The following EYS variants were observed in gnomAD, a reference collection of about 807,000 sequenced individuals.
EYS encodes EGF-like photoreceptor maintenance factor.
EYS carries 250 observed loss-of-function variants against 282.1 expected under a neutral mutation model. The observed-to-expected ratio is 0.89, with a 90% confidence interval of 0.80 to 0.98. The LOEUF (loss-of-function observed/expected upper bound fraction) is 0.98, where lower values mean the gene tolerates loss of function less well. EYS is among the 50% of genes least tolerant of loss of function. The probability of loss-of-function intolerance (pLI) is 0.00; values close to 1 mark genes in which losing one functional copy is unlikely to be tolerated. For missense variants in EYS, 4,016 were observed against 3,709.0 expected, an observed-to-expected ratio of 1.08 and a Z score of -2.15; for synonymous variants, 1,355 against 1,282.9, an observed-to-expected ratio of 1.06 and a Z score of -1.20.
chr6:65,333,467 A>G (rs1269618187), intron 11 of EYS, among the ~76,000 whole-genome samples: 6 of 151,662 alleles, frequency 4.0e-5, no homozygotes, highest in Non-Finnish European at 7.4e-5. Context: ...GATATGATCT[A>G]TCTTGGAGAG....
chr6:65,632,029 T>C (rs1766931620), intron 2 of EYS, among the ~76,000 whole-genome samples: 2 of 152,144 alleles, frequency 1.3e-5, no homozygotes, highest in Admixed American at 1.3e-4. Flanking sequence ...GTAAACAATA[T>C]GTCTTAGGTA....
intron 12 of EYS, among the ~76,000 whole-genome samples, chr6:65,206,691 T>C (rs1766043883): frequency 6.6e-6 from 1 of 151,842 alleles, no homozygotes; most frequent in Non-Finnish European, 1.5e-5. Flanking sequence ...CAAGTGGGTT[T>C]TATTCCAGGG....
At chr6:63,971,344 G>A (rs1392080797) in intron 35 of EYS, among the ~76,000 whole-genome samples, 1 of 152,134 alleles carries the variant, frequency 6.6e-6, no homozygotes, top group Non-Finnish European at 1.5e-5. Context: ...GGTAATAGAT[G>A]TTTAATACAT....
At chr6:65,202,481 C>T (rs1765925985) in intron 12 of EYS, among the ~76,000 whole-genome samples, 1 of 152,064 alleles carries the variant, frequency 6.6e-6, no homozygotes, top group Admixed American at 6.6e-5. Flanking sequence ...CAGCTTGACC[C>T]CTAGCGGCTA....
chr6:63,759,935 C>T (rs1036766788), intron 41 of EYS, among the ~76,000 whole-genome samples: 2 of 152,068 alleles, frequency 1.3e-5, no homozygotes, highest in South Asian at 2.1e-4. Flanking sequence ...AAATCAGGGA[C>T]TGGTTGGACC....
chr6:64,943,048 G>C (rs1048691458), intron 15 of EYS, among the ~76,000 whole-genome samples: 1 of 151,958 alleles, frequency 6.6e-6, no homozygotes, highest in Admixed American at 6.6e-5. Context: ...GGATGAAACT[G>C]TTTCACCAAA....
intron 22 of EYS, among the ~76,000 whole-genome samples, chr6:64,690,761 T>G (rs1299477384): frequency 2.0e-5 from 3 of 151,688 alleles, no homozygotes; most frequent in African/African-American, 7.3e-5. Context: ...TTCACACTCA[T>G]AGGCGGGAAT....
chr6:64,680,269 C>A (rs1290603374), intron 22 of EYS, among the ~76,000 whole-genome samples: 2 of 152,218 alleles, frequency 1.3e-5, no homozygotes, highest in African/African-American at 4.8e-5. Context: ...CCAGCATGAG[C>A]TTCCCTGCTG....
chr6:63,973,514 T>C (rs75866362), intron 35 of EYS, among the ~76,000 whole-genome samples: 1 of 152,162 alleles, frequency 6.6e-6, no homozygotes, highest in African/African-American at 2.4e-5. Context: ...GTCTTTATTA[T>C]TAGTGCCGAT....
chr6:65,441,079 ATGACT>A (rs1309543478), intron 5 of EYS, among the ~76,000 whole-genome samples: 1 of 150,708 alleles, frequency 6.6e-6, no homozygotes, highest in African/African-American at 2.4e-5. Context: ...AAACTCATTA[ATGACT>A]TGATTTGTCA....
chr6:64,048,805 A>T (rs1013744769), intron 33 of EYS, among the ~76,000 whole-genome samples: 2 of 151,824 alleles, frequency 1.3e-5, no homozygotes, highest in Middle Eastern at 3.4e-3. Flanking sequence ...GGAACCACAG[A>T]TTTTTTTCCA....
intron 30 of EYS, among the ~76,000 whole-genome samples, chr6:64,259,399 T>C (rs1452120759): frequency 3.3e-5 from 5 of 152,028 alleles, no homozygotes; most frequent in African/African-American, 4.8e-5. Flanking sequence ...AATTGGAAAT[T>C]ATTTCTCTGC....
intron 12 of EYS, among the ~76,000 whole-genome samples, chr6:65,227,322 A>T (rs704525): frequency 0.076 from 11,511 of 152,190 alleles, 878 homozygotes; most frequent in African/African-American, 0.2. Flanking sequence ...GCTGAGAAGT[A>T]ACAGTTAATT....
At chr6:64,784,193 TTTC>T (rs1300110139) in intron 22 of EYS, among the ~76,000 whole-genome samples, 10 of 152,042 alleles carry the variant, frequency 6.6e-5, no homozygotes, top group Non-Finnish European at 1.5e-4. Flanking sequence ...TTATCTTTCT[TTTC>T]TTTTTTGTTT....
At chr6:64,239,698 G>T (rs1440643001) in intron 30 of EYS, among the ~76,000 whole-genome samples, 2 of 151,484 alleles carry the variant, frequency 1.3e-5, no homozygotes, top group South Asian at 2.1e-4. Context: ...CTCCCATTCT[G>T]TTGGTTGCCT....
At chr6:65,543,961 C>A (rs1397888870) in intron 2 of EYS, among the ~76,000 whole-genome samples, 1 of 151,360 alleles carries the variant, frequency 6.6e-6, no homozygotes, top group Non-Finnish European at 1.5e-5. Flanking sequence ...TCAGTGTGAA[C>A]ACAGAATCAA....
intron 35 of EYS, among the ~76,000 whole-genome samples, chr6:63,908,028 A>ATATT (rs1773823097): frequency 9.9e-6 from 1 of 101,080 alleles, no homozygotes; most frequent in African/African-American, 5.3e-5. Flanking sequence ...ATATATATAT[A>ATATT]TATACGTTTG....
chr6:65,610,379 A>G (rs530653205), intron 2 of EYS, among the ~76,000 whole-genome samples: 5 of 152,212 alleles, frequency 3.3e-5, no homozygotes, highest in African/African-American at 1.2e-4. Context: ...ATTAATTGCT[A>G]ACAATGAAAT....
At chr6:65,027,252 T>C (rs1772450119) in intron 13 of EYS, among the ~76,000 whole-genome samples, 2 of 152,222 alleles carry the variant, frequency 1.3e-5, no homozygotes, top group African/African-American at 4.8e-5. Context: ...GTTCCTTTTC[T>C]TTCCACATCA....
Sources: gnomAD v4.1 joint callset for allele counts (sites outside exome capture counted in the v4.1 genomes callset) on GRCh38, gnomAD v4.1.1 for gene constraint, MANE v1.5 for transcripts, NCBI Gene and HGNC (gene_info 2026-07-23, HGNC 2026-07-21) for gene names.